PVT1: variants seen among roughly 807,000 people sequenced by gnomAD.
PVT1 encodes CXCR4/PVT1 fusion.
chr8:128,058,791 C>T (rs536764982), intron 4 of PVT1, among the ~76,000 whole-genome samples: 2 of 152,118 alleles, frequency 1.3e-5, no homozygotes, highest in Non-Finnish European at 2.9e-5. Context: ...ACCAGTGTCT[C>T]CCTCCACCCC....
chr8:128,090,612 G>A (rs1022844571), intron 5 of PVT1, among the ~76,000 whole-genome samples: 2 of 152,100 alleles, frequency 1.3e-5, no homozygotes, highest in Non-Finnish European at 2.9e-5. Flanking sequence ...GGAGGACCCA[G>A]GTCATATTCT....
chr8:127,926,072 G>A (rs1041787253), intron 3 of PVT1, among the ~76,000 whole-genome samples: 3 of 152,136 alleles, frequency 2.0e-5, no homozygotes, highest in Admixed American at 6.5e-5. Flanking sequence ...CTGCAGTCCT[G>A]TTCTTGTTCT....
At chr8:127,994,639 T>TA (rs1448823583) in intron 4 of PVT1, among the ~76,000 whole-genome samples, 1 of 152,202 alleles carries the variant, frequency 6.6e-6, no homozygotes, top group Non-Finnish European at 1.5e-5. Context: ...TATTATAAGG[T>TA]ATTGGCTCAT....
chr8:128,001,818 G>A (rs147573628), intron 4 of PVT1, among the ~76,000 whole-genome samples: 101 of 152,234 alleles, frequency 6.6e-4, no homozygotes, highest in African/African-American at 2.2e-3. Flanking sequence ...TCTTCTTACC[G>A]CGTCCTCACA....
intron 3 of PVT1, among the ~76,000 whole-genome samples, chr8:127,916,803 C>T (rs1815991547): frequency 6.6e-6 from 1 of 152,180 alleles, no homozygotes; most frequent in African/African-American, 2.4e-5. Flanking sequence ...CTGAGCCCCA[C>T]TTCCTCTTGA....
chr8:127,869,336 G>T (rs576009239), intron 2 of PVT1, among the ~76,000 whole-genome samples: 1 of 152,106 alleles, frequency 6.6e-6, no homozygotes, highest in East Asian at 1.9e-4. Flanking sequence ...TCATCATGTT[G>T]CCCAGGCTGG....
At chr8:127,996,800 G>A (rs76238456) in intron 4 of PVT1, 6,800 of 152,320 alleles carry the variant, frequency 0.045, 236 homozygotes, top group Non-Finnish European at 0.07. Context: ...AGGGTTAGTG[G>A]TAGCAGGGAG....
chr8:128,082,647 C>T (rs1215246109), intron 5 of PVT1: 1 of 152,186 alleles, frequency 6.6e-6, no homozygotes, highest in East Asian at 1.9e-4. Flanking sequence ...GCAAGTTACC[C>T]AGTCTTGTTA....
At chr8:128,073,129 G>A (rs1461720760) in intron 5 of PVT1, among the ~76,000 whole-genome samples, 2 of 151,926 alleles carry the variant, frequency 1.3e-5, no homozygotes, top group East Asian at 1.9e-4. Flanking sequence ...CACCGCACCC[G>A]GCCCACCTGA....
At chr8:127,977,105 A>G (rs1023181112) in intron 3 of PVT1, among the ~76,000 whole-genome samples, 2 of 152,164 alleles carry the variant, frequency 1.3e-5, no homozygotes, top group Non-Finnish European at 2.9e-5. Context: ...AAACTTTACT[A>G]TCCCTTTCTT....
At chr8:127,840,692 G>A (rs1814963300) in intron 2 of PVT1, among the ~76,000 whole-genome samples, 1 of 152,252 alleles carries the variant, frequency 6.6e-6, no homozygotes, top group African/African-American at 2.4e-5. Flanking sequence ...CTTCCGCAGA[G>A]CTGGACACAC....
chr8:128,002,344 C>A (rs559887471), intron 4 of PVT1, among the ~76,000 whole-genome samples: 1 of 152,320 alleles, frequency 6.6e-6, no homozygotes, highest in South Asian at 2.1e-4. Flanking sequence ...ATTTTCCTCC[C>A]ATTGCTTTAC....
intron 3 of PVT1, among the ~76,000 whole-genome samples, chr8:127,938,410 A>T (rs1369900233): frequency 6.6e-6 from 1 of 152,154 alleles, no homozygotes; most frequent in African/African-American, 2.4e-5. Context: ...TGTCCACGGC[A>T]TGTTCCTCAA....
intron 3 of PVT1, among the ~76,000 whole-genome samples, chr8:127,900,487 A>G (rs1815745619): frequency 1.3e-5 from 2 of 152,206 alleles, no homozygotes; most frequent in African/African-American, 4.8e-5. Flanking sequence ...CAATTTCATT[A>G]CAAATCTATT....
At chr8:127,912,117 G>T (rs1477861729) in intron 3 of PVT1, among the ~76,000 whole-genome samples, 2 of 152,180 alleles carry the variant, frequency 1.3e-5, no homozygotes, top group African/African-American at 4.8e-5. Flanking sequence ...GATCCCACAT[G>T]TGATAAAGTT....
intron 2 of PVT1, among the ~76,000 whole-genome samples, chr8:127,812,643 AGG>A: frequency 7.3e-6 from 1 of 137,876 alleles, no homozygotes; most frequent in Non-Finnish European, 1.6e-5. Context: ...GAAGGAAGGA[AGG>A]GAAGGGAAGG....
intron 4 of PVT1, among the ~76,000 whole-genome samples, chr8:128,055,321 T>C (rs547590619): frequency 6.6e-6 from 1 of 152,334 alleles, no homozygotes; most frequent in African/African-American, 2.4e-5. Context: ...GAGACAGATT[T>C]AGGTATGACT....
At chr8:127,803,070 A>C (rs1374817842) in intron 2 of PVT1, 1 of 150,744 alleles carries the variant, frequency 6.6e-6, no homozygotes, top group Admixed American at 6.6e-5. Flanking sequence ...GGGGCAGGAC[A>C]TCCTGGAGAG....
intron 4 of PVT1, among the ~76,000 whole-genome samples, chr8:127,996,221 G>GCAT (rs1204759520): frequency 6.6e-6 from 1 of 152,048 alleles, no homozygotes; most frequent in Non-Finnish European, 1.5e-5. Context: ...CCTCCACCCA[G>GCAT]CATCCAGGCC....
Sources: allele counts gnomAD v4.1 joint callset (sites outside exome capture counted in the v4.1 genomes callset), GRCh38; gene constraint gnomAD v4.1.1; transcripts MANE v1.5; gene names NCBI Gene and HGNC (gene_info 2026-07-23, HGNC 2026-07-21).